The following BEX4 variants were observed in gnomAD, a reference collection of about 807,000 sequenced individuals.
BEX4 encodes the protein brain expressed X-linked 4.
For missense variants in BEX4, 110 were observed against 96.5 expected, an observed-to-expected ratio of 1.14 and a Z score of -0.59; for synonymous variants, 37 against 33.5, an observed-to-expected ratio of 1.11 and a Z score of -0.36.
At chrX:103,215,660 C>T in intron 1 of BEX4, 22 bp from the exon 2 acceptor site, 1 of 863,004 alleles carries the variant, frequency 1.2e-6, no homozygotes, top group South Asian at 3.2e-5. Context: ...TGCAGCAGCC[C>T]CCACTTCCCC....
chrX:103,215,481 C>G (rs1924550182), intron 1 of BEX4, among the ~76,000 whole-genome samples: 1 of 112,144 alleles, frequency 8.9e-6, no homozygotes, highest in Non-Finnish European at 1.9e-5. Context: ...TTTTCCGACA[C>G]CCCTGCCCCG....
chrX:103,215,359 C>T, intron 1 of BEX4, 121 bp downstream of exon 1: 1 of 502,583 alleles, frequency 2.0e-6, no homozygotes, highest in Non-Finnish European at 2.5e-6. Flanking sequence ...CCCCGGGCCC[C>T]GCGGCGGGCC....
chrX:103,215,351 C>CCGGGCCCCGCGG (rs1228339946), intron 1 of BEX4, 113 bp downstream of exon 1: 1 of 548,634 alleles, frequency 1.8e-6, no homozygotes, highest in African/African-American at 2.5e-5. Flanking sequence ...GATGCAGCCC[C>CCGGGCCCCGCGG]CGGGCCCCGC....
intron 1 of BEX4, 132 bp from the exon 2 acceptor site, chrX:103,215,550 G>A (rs1924553295): frequency 8.7e-6 from 4 of 458,247 alleles, no homozygotes; most frequent in Non-Finnish European, 1.2e-5. Context: ...GAGGCGGGGG[G>A]CGAGGGTGGC....
At chrX:103,216,029 G>T in intron 2 of BEX4, 120 bp from the exon 3 acceptor site, 3 of 913,939 alleles carry the variant, frequency 3.3e-6, no homozygotes, top group African/African-American at 2.0e-5. Flanking sequence ...AAAATGAAAT[G>T]TTAGAGTATA....
rs1204989423 is a variant in BEX4 at position 103,215,123 on chromosome X, C to G, written c.-204C>G. The G allele has an allele frequency of 1.3e-5, 10 of 752,632 alleles. No homozygotes were observed. Among genetic ancestry groups the G allele is most frequent in the Non-Finnish European group, 1.6e-5 (10 of 639,054 alleles). The allele number at this position is 752,632 out of a possible 1,213,427, so 62.0% of individuals were successfully genotyped here. A position where few individuals can be genotyped will look rare whatever the true frequency, so the allele number is the denominator to read the frequency against. Reference sequence around the variant, plus strand: ...GGCCAACACTGAGTGTTGTCTCGCTCTGGCGTCAGAGCCGTCGTGGCTCGT... The same window carrying G: ...GGCCAACACTGAGTGTTGTCTCGCTGTGGCGTCAGAGCCGTCGTGGCTCGT... On this transcript the variant is annotated 5_prime_UTR_variant, in exon 1 of 3. Coordinates refer to ENST00000372695, the MANE Select transcript of BEX4 (RefSeq NM_001080425.4).
At position 103,215,188 on chromosome X, in the gene BEX4, G is replaced by A. The variant is rs1318089167; in HGVS notation, c.-139G>A. The A allele has an allele frequency of 9.3e-6, 7 of 753,714 alleles. No homozygotes were observed. The highest frequency in any genetic ancestry group is 1.1e-5 in the Non-Finnish European group (7 of 639,554). 62.1% of individuals were successfully genotyped at this position (753,714 alleles called of 1,213,427 possible). A position where few individuals can be genotyped will look rare whatever the true frequency, so the allele number is the denominator to read the frequency against. On this transcript the variant is annotated 5_prime_UTR_variant, in exon 1 of 3. Transcript: ENST00000372695. Reference sequence around the variant, plus strand: ...TGGTACCTGCTCCCGGTGGCCCTGAGGACGTGTGGGCCAGGGGCGGCCCCG... The same window carrying A: ...TGGTACCTGCTCCCGGTGGCCCTGAAGACGTGTGGGCCAGGGGCGGCCCCG...
intron 2 of BEX4, 95 bp from the exon 3 acceptor site, chrX:103,216,054 G>T (rs1391886212): frequency 2.0e-6 from 2 of 998,016 alleles, no homozygotes; most frequent in Non-Finnish European, 2.6e-6. Context: ...CAAGTCCAGG[G>T]CTCTGAATTT....
At position 103,216,384 on chromosome X, in the gene BEX4, A is replaced by C; in HGVS notation, c.231A>C (p.Arg77Ser). ...GGCATATTGAGCACAATGAAGCGAG[A>C]GATGATGTAGAAAGGTTTGTAGGGC... ...PNRHIEHNEARDDVERFVGQM... is the reference protein window; with the variant it reads ...PNRHIEHNEASDDVERFVGQM... Residue 77 changes from arginine to serine, a missense_variant, in exon 3 of 3, where the codon AGA becomes AGC. Transcript: ENST00000372695. The C allele has an allele frequency of 8.3e-7, 1 of 1,211,552 alleles. No individual in the cohort carries two copies. Among genetic ancestry groups the C allele is most frequent in the Non-Finnish European group, 1.1e-6 (1 of 895,490 alleles).
intron 1 of BEX4, 120 bp from the exon 2 acceptor site, chrX:103,215,537 GCTGAGGCGGGGGGCGAGGGTGGCGA>G: frequency 9.1e-6 from 4 of 440,333 alleles, no homozygotes; most frequent in Non-Finnish European, 1.3e-5. Flanking sequence ...GGGCGGGGCG[GCTGAGGCGGGGGGCGAGGGTGGCGA>G]GGAGGGCCAG....
At position 103,216,245 on chromosome X, in the gene BEX4, A is replaced by G. The variant is rs1450170547; in HGVS notation, c.92A>G (p.Asn31Ser). 15 of 1,189,498 alleles carry G rather than the reference A, an allele frequency of 1.3e-5. No individual in the cohort carries two copies. The highest frequency in any genetic ancestry group is 1.7e-5 in the Non-Finnish European group (15 of 884,768). ...NEGGEQAPTQ[N>S]EEESRHLGGG... Reference sequence around the variant, plus strand: ...GGAGGGGAGCAGGCCCCCACGCAGAATGAAGAAGAATCCCGCCATTTGGGA... The same window carrying G: ...GGAGGGGAGCAGGCCCCCACGCAGAGTGAAGAAGAATCCCGCCATTTGGGA... Residue 31 changes from asparagine (N) to serine (S), a missense_variant, in exon 3 of 3, where the codon AAT (asparagine) becomes AGT (serine). Physicochemically the swap from Asn to Ser is conservative, Grantham distance 46 (BLOSUM62 1). Coordinates refer to ENST00000372695, the MANE Select transcript of BEX4 (RefSeq NM_001080425.4).
In BEX4 at chrX:103,215,702, A is replaced by C; in HGVS notation, c.-68A>C. On this transcript the variant is annotated 5_prime_UTR_variant, in exon 2 of 3. Transcript: ENST00000372695. ...GGCAGTCTGCAGGTCTGCGGGGCTA[A>C]GTGTCGCGGCGGCGCACCTCGCGTC... is the stretch of plus-strand genomic sequence containing the variant. 1 of 917,206 alleles carries C rather than the reference A, an allele frequency of 1.1e-6. No homozygotes were observed. Among genetic ancestry groups the C allele is most frequent in the Non-Finnish European group, 1.4e-6 (1 of 732,851 alleles). 75.6% of individuals were successfully genotyped at this position (917,206 alleles called of 1,213,427 possible).
Position 103,215,665 on chromosome X carries a change from T to A in BEX4, c.-88-17T>A. 1 of 864,699 alleles carries A rather than the reference T, an allele frequency of 1.2e-6. No individual in the cohort carries two copies. The highest frequency in any genetic ancestry group is 1.4e-6 in the Non-Finnish European group (1 of 705,525). 71.3% of individuals were successfully genotyped at this position (864,699 alleles called of 1,213,427 possible). A position where few individuals can be genotyped will look rare whatever the true frequency, so the allele number is the denominator to read the frequency against. ...AGCGTTCTGCTGCAGCAGCCCCCAC[T>A]TCCCCCACCCCGGCAGTCTGCAGGT... is the stretch of plus-strand genomic sequence containing the variant. On this transcript the variant is annotated splice_polypyrimidine_tract_variant and intron_variant, in intron 1 of 2. Transcript: ENST00000372695.
Position 103,216,616 on chromosome X carries a change from C to G in BEX4, c.*100C>G. ...TAAGCCTTTTGGGGTTTACACTTAC[C>G]AGTTTCTAATGGAAATTAGAATTCT... is the stretch of plus-strand genomic sequence containing the variant. On this transcript the variant is annotated 3_prime_UTR_variant, in exon 3 of 3. Coordinates refer to ENST00000372695, the MANE Select transcript of BEX4 (RefSeq NM_001080425.4). 2 of 913,248 alleles carry G rather than the reference C, an allele frequency of 2.2e-6. No individual in the cohort carries two copies. The highest frequency in any genetic ancestry group is 3.0e-6 in the Non-Finnish European group (2 of 669,575). 75.3% of individuals were successfully genotyped at this position (913,248 alleles called of 1,213,427 possible).
At chrX:103,216,054 G>C in intron 2 of BEX4, 95 bp from the exon 3 acceptor site, 1 of 998,016 alleles carries the variant, frequency 1.0e-6, no homozygotes, top group South Asian at 3.3e-5. Flanking sequence ...CAAGTCCAGG[G>C]CTCTGAATTT....
At chrX:103,215,534 G>T in intron 1 of BEX4, 148 bp from the exon 2 acceptor site, 1 of 427,491 alleles carries the variant, frequency 2.3e-6, no homozygotes, top group Non-Finnish European at 3.3e-6. Flanking sequence ...GCGGGGCGGG[G>T]CGGCTGAGGC....
chrX:103,215,359 C>G (rs1389622708), intron 1 of BEX4, 121 bp downstream of exon 1: 2 of 501,112 alleles, frequency 4.0e-6, no homozygotes, highest in East Asian at 3.0e-4. Context: ...CCCCGGGCCC[C>G]GCGGCGGGCC....
chrX:103,215,812 G>A (rs1047872689), intron 2 of BEX4, 48 bp downstream of exon 2: 4 of 834,243 alleles, frequency 4.8e-6, no homozygotes, highest in Non-Finnish European at 5.9e-6. Context: ...CGTGAGGAAA[G>A]CCCAGTCTGA....
chrX:103,215,255 G>C lies in BEX4; in HGVS notation c.-89+17G>C, dbSNP rs1256885881. ...GGGGAGCAGGTAAGGAACCCGGCGG[G>C]GGGTCCCTGGGGTTGGTGTGAGGGA... On this transcript the variant is annotated intron_variant, in intron 1 of 2. Coordinates refer to ENST00000372695, the MANE Select transcript of BEX4 (RefSeq NM_001080425.4). The C allele has an allele frequency of 4.0e-6, 3 of 752,045 alleles. No homozygotes were observed. Among genetic ancestry groups the C allele is most frequent in the Non-Finnish European group, 4.7e-6 (3 of 637,742 alleles). The allele number at this position is 752,045 out of a possible 1,213,427, so 62.0% of individuals were successfully genotyped here.
Sources: allele counts gnomAD v4.1 joint callset (sites outside exome capture counted in the v4.1 genomes callset), GRCh38; gene constraint gnomAD v4.1.1; transcripts MANE v1.5; gene names NCBI Gene and HGNC (gene_info 2026-07-23, HGNC 2026-07-21).